The following MAP3K20 variants were observed in gnomAD, a reference collection of about 807,000 sequenced individuals.
MAP3K20 encodes the protein mitogen-activated protein kinase kinase kinase 20.
Under a neutral mutation model 85.7 loss-of-function variants are expected in MAP3K20, and 40 were observed. The observed-to-expected ratio is 0.47, with a 90% CI of 0.36 to 0.61. The LOEUF (loss-of-function observed/expected upper bound fraction) is 0.61, where lower values mean the gene tolerates loss of function less well. Ranked by LOEUF, MAP3K20 falls within the 20% of genes least tolerant of loss-of-function variation. The pLI is 0.00. For missense variants in MAP3K20, 817 were observed against 961.7 expected (o/e 0.85, Z 1.99); for synonymous variants, 325 against 327.7 (o/e 0.99, Z 0.09).
At chr2:173,162,385 C>A (rs74265841) in intron 2 of MAP3K20, among the ~76,000 whole-genome samples, 1 of 151,942 alleles carries the variant, frequency 6.6e-6, no homozygotes. Context: ...ATGATAGACT[C>A]CTACAATTGT....
intron 9 of MAP3K20, among the ~76,000 whole-genome samples, chr2:173,204,503 A>G (rs1450337272): frequency 6.6e-6 from 1 of 152,232 alleles, no homozygotes; most frequent in African/African-American, 2.4e-5. Flanking sequence ...TGAGCTCCAC[A>G]ATAGAGTTGG....
intron 14 of MAP3K20, among the ~76,000 whole-genome samples, chr2:173,236,493 T>C (rs1271419206): frequency 6.6e-6 from 1 of 152,092 alleles, no homozygotes; most frequent in African/African-American, 2.4e-5. Context: ...CCTGCATCTG[T>C]TGGGGGACCT....
chr2:173,231,575 A>G (rs937116068), intron 12 of MAP3K20, among the ~76,000 whole-genome samples: 2 of 152,218 alleles, frequency 1.3e-5, no homozygotes, highest in Admixed American at 6.5e-5. Context: ...ATAAAATTCC[A>G]GAGTTGAGGG....
intron 2 of MAP3K20, among the ~76,000 whole-genome samples, chr2:173,099,272 T>C (rs1456345860): frequency 6.8e-6 from 1 of 147,080 alleles, no homozygotes; most frequent in East Asian, 2.0e-4. Flanking sequence ...CTTTTTTTTT[T>C]CTTCCTTCCT....
intron 11 of MAP3K20, chr2:173,222,498 CAA>C (rs1023242925): frequency 3.4e-5 from 34 of 985,650 alleles, no homozygotes; most frequent in African/African-American, 5.2e-5. Flanking sequence ...GTGCTTTATA[CAA>C]AGAGAAAGAG....
chr2:173,122,620 A>T (rs935387486), intron 2 of MAP3K20, among the ~76,000 whole-genome samples: 8 of 149,724 alleles, frequency 5.3e-5, no homozygotes, highest in African/African-American at 1.7e-4. Context: ...TGATTCTGTG[A>T]CTCTCCATTG....
At chr2:173,171,004 C>G (rs527641040) in intron 3 of MAP3K20, among the ~76,000 whole-genome samples, 11 of 152,302 alleles carry the variant, frequency 7.2e-5, no homozygotes, top group African/African-American at 2.6e-4. Flanking sequence ...TGCTTTTACT[C>G]TTAGTAGCAT....
intron 16 of MAP3K20, among the ~76,000 whole-genome samples, chr2:173,246,631 A>G (rs2106343583): frequency 6.6e-6 from 1 of 152,306 alleles, no homozygotes; most frequent in African/African-American, 2.4e-5. Flanking sequence ...TCAAAAGCAG[A>G]ATTAGGAAGG....
intron 16 of MAP3K20, among the ~76,000 whole-genome samples, chr2:173,247,268 AAT>A (rs1684938789): frequency 6.6e-6 from 1 of 152,202 alleles, no homozygotes; most frequent in Admixed American, 6.5e-5. Context: ...TGTTGCTTTT[AAT>A]AAACTTAGTT....
At chr2:173,076,356 G>A (rs1380506952) in intron 1 of MAP3K20, among the ~76,000 whole-genome samples, 4 of 152,130 alleles carry the variant, frequency 2.6e-5, no homozygotes, top group Admixed American at 2.0e-4. Flanking sequence ...CGCGGTCCCG[G>A]GCGTGCGGCA....
In MAP3K20 at chr2:173,236,266, T is replaced by TTA. The variant is rs1441826312; in HGVS notation, c.1204-2107_1204-2106insTA. ...CTGGGCAATAGAGTGAGACCCTGTC[T>TTA]AAAAAAAAAAAAAAAAAAAAAAAAA... On this transcript the variant is annotated intron_variant, in intron 14 of 19. Transcript: ENST00000375213. Among the ~76,000 whole-genome samples the TTA allele has an allele frequency of 4.7e-3, 306 of 64,760 alleles. 3 individuals carry two copies. The highest frequency in any genetic ancestry group is 0.016 in the African/African-American group (235 of 14,714). 42.5% of individuals were successfully genotyped at this position (64,760 alleles called of 152,430 possible). A position where few individuals can be genotyped will look rare whatever the true frequency, so the allele number is the denominator to read the frequency against.
chr2:173,169,107 C>A (rs867672977), intron 2 of MAP3K20, among the ~76,000 whole-genome samples: 1 of 151,674 alleles, frequency 6.6e-6, no homozygotes, highest in South Asian at 2.1e-4. Context: ...ACCTGAATAC[C>A]CACTTATTAT....
chr2:173,089,183 TA>T (rs71018532), intron 1 of MAP3K20, among the ~76,000 whole-genome samples: 90 of 147,830 alleles, frequency 6.1e-4, no homozygotes, highest in Admixed American at 2.6e-3. Context: ...CCTTTTTATT[TA>T]AAAAAAAAAA....
At chr2:173,221,001 A>G (rs933465659) in intron 11 of MAP3K20, 40 of 613,616 alleles carry the variant, frequency 6.5e-5, no homozygotes, top group Non-Finnish European at 9.3e-5. Context: ...CTGCCATTAA[A>G]TAAATTCTCA....
chr2:173,233,098 G>A (rs894266344), intron 14 of MAP3K20, among the ~76,000 whole-genome samples: 5 of 152,150 alleles, frequency 3.3e-5, no homozygotes, highest in Non-Finnish European at 5.9e-5. Flanking sequence ...GGTAAATGAC[G>A]GCTGTAAGAA....
In MAP3K20 at chr2:173,154,160, G is replaced by A. The variant is rs79651305; in HGVS notation, c.160-15645G>A. 5.9e-5 allele frequency among the ~76,000 whole-genome samples: 9 copies of A among 152,058 alleles called. No homozygotes were observed. In the East Asian group the frequency reaches 1.7e-3, roughly 29 times the overall value. ...CTGCCGTTTCTCAGGCATGCACCCC[G>A]TCCCAGCTATGAACCCAAATGGAAT... On this transcript the variant is annotated intron_variant, in intron 2 of 19. Transcript: ENST00000375213.
At chr2:173,172,516 G>A (rs1387296493) in intron 3 of MAP3K20, among the ~76,000 whole-genome samples, 1 of 152,070 alleles carries the variant, frequency 6.6e-6, no homozygotes, top group East Asian at 1.9e-4. Context: ...ATCTCTCTCT[G>A]TCTCAGTTTT....
At position 173,267,980 on chromosome 2, in the gene MAP3K20, A is replaced by G. The variant is rs543372876; in HGVS notation, c.*1230A>G. 1 of 152,374 alleles carries G rather than the reference A, an allele frequency of 6.6e-6. No individual in the cohort carries two copies. The highest frequency in any genetic ancestry group is 6.5e-5 in the Admixed American group (1 of 15,310). 9.4% of individuals were successfully genotyped at this position (152,374 alleles called of 1,614,324 possible). On this transcript the variant is annotated 3_prime_UTR_variant, in exon 20 of 20. Coordinates refer to ENST00000375213, the MANE Select transcript of MAP3K20 (RefSeq NM_016653.3). ...AGTCAGGTAGCAACAAACTTATTGT[A>G]TGTCAAATCAATAAATGTTACTTTC...
chr2:173,128,380 T>A (rs1461218017), intron 2 of MAP3K20, among the ~76,000 whole-genome samples: 1 of 152,050 alleles, frequency 6.6e-6, no homozygotes, highest in East Asian at 1.9e-4. Flanking sequence ...TTGCTCAGGC[T>A]GGAGTTCAGT....
Sources: gnomAD v4.1 joint callset for allele counts (sites outside exome capture counted in the v4.1 genomes callset) on GRCh38, gnomAD v4.1.1 for gene constraint, MANE v1.5 for transcripts, NCBI Gene and HGNC (gene_info 2026-07-23, HGNC 2026-07-21) for gene names.